PLCB4: variants seen among roughly 807,000 people sequenced by gnomAD.
The protein encoded by PLCB4 is phospholipase C beta 4, also known as 1-phosphatidylinositol 4,5-bisphosphate phosphodiesterase beta-4.
A neutral mutation model predicts 178.8 loss-of-function variants in PLCB4; 77 were observed. The observed-to-expected ratio is 0.43, with a 90% confidence interval of 0.36 to 0.52. The LOEUF is 0.52. Ranked by LOEUF, PLCB4 falls within the 20% of genes least tolerant of loss-of-function variation. The pLI is 0.00. For missense variants in PLCB4, 1,024 were observed against 1,453.4 expected (o/e 0.70, Z 4.80); for synonymous variants, 496 against 490.8 (o/e 1.01, Z -0.14).
At chr20:9,459,534 G>A (rs1035326024) in intron 34 of PLCB4, 101 bp from the exon 35 acceptor site, 6 of 720,232 alleles carry the variant, frequency 8.3e-6, no homozygotes, top group Non-Finnish European at 1.3e-5. Context: ...CACCAATTAA[G>A]TTGGTGGGAG....
intron 2 of PLCB4, among the ~76,000 whole-genome samples, chr20:9,115,143 A>G (rs563743314): frequency 1.2e-4 from 18 of 152,220 alleles, no homozygotes; most frequent in African/African-American, 4.3e-4. Flanking sequence ...TTAATAAGTA[A>G]ACCTTATTCT....
At chr20:9,325,382 G>A (rs186176612) in intron 4 of PLCB4, among the ~76,000 whole-genome samples, 85 of 152,202 alleles carry the variant, frequency 5.6e-4, no homozygotes, top group African/African-American at 1.8e-3. Flanking sequence ...AAGTTACTTT[G>A]AGTGACCACC....
intron 15 of PLCB4, among the ~76,000 whole-genome samples, chr20:9,389,667 A>G (rs950451777): frequency 1.3e-5 from 2 of 152,226 alleles, no homozygotes; most frequent in Non-Finnish European, 2.9e-5. Flanking sequence ...GAAGTAAAAG[A>G]TAGCTTAAAA....
intron 3 of PLCB4, among the ~76,000 whole-genome samples, chr20:9,241,892 G>A (rs2147418667): frequency 6.6e-6 from 1 of 152,282 alleles, no homozygotes; most frequent in South Asian, 2.1e-4. Flanking sequence ...TCATGCATCT[G>A]TGGTCAGCTA....
intron 3 of PLCB4, among the ~76,000 whole-genome samples, chr20:9,241,762 G>A (rs1235135668): frequency 6.6e-6 from 1 of 152,196 alleles, no homozygotes; most frequent in Non-Finnish European, 1.5e-5. Context: ...TGACCAGAAT[G>A]TCAGCATAAT....
intron 2 of PLCB4, among the ~76,000 whole-genome samples, chr20:9,104,989 A>G (rs1477514731): frequency 6.6e-6 from 1 of 152,070 alleles, no homozygotes; most frequent in East Asian, 1.9e-4. Context: ...TAAATATAAT[A>G]TTAATCTTTA....
At chr20:9,332,355 T>C (rs139022256) in intron 4 of PLCB4, among the ~76,000 whole-genome samples, 29 of 152,266 alleles carry the variant, frequency 1.9e-4, no homozygotes, top group African/African-American at 6.7e-4. Context: ...ATAGACATGA[T>C]GTGTCTTTAC....
chr20:9,084,682 A>G (rs1214298717), intron 1 of PLCB4, among the ~76,000 whole-genome samples: 3 of 152,240 alleles, frequency 2.0e-5, no homozygotes, highest in Non-Finnish European at 4.4e-5. Context: ...GAGAAATAAA[A>G]TATTTGTAGA....
chr20:9,441,848 G>A (rs2042124539), intron 30 of PLCB4, among the ~76,000 whole-genome samples: 1 of 151,962 alleles, frequency 6.6e-6, no homozygotes, highest in Non-Finnish European at 1.5e-5. Flanking sequence ...GTGGGGAGGT[G>A]TGAAATTCCA....
rs1436927886 is a variant in PLCB4, at chr20:9,338,870, TTCTA to T, written c.226-20_226-17del. The T allele has an allele frequency of 1.3e-6, 2 of 1,591,602 alleles. No homozygotes were observed. Among genetic ancestry groups the T allele is most frequent in the African/African-American group, 1.4e-5 (1 of 73,686 alleles). ...GCTCTGTGATGTAACTTATTTTTTT[TTCTA>T]TCTGTGTACCTCTATACAGGATCCC... On this transcript the variant is annotated intron_variant, in intron 6 of 39. Transcript: ENST00000378473.
At position 9,421,393 on chromosome 20, in the gene PLCB4, C is replaced by T. The variant is rs1940333280; in HGVS notation, c.2251C>T (p.Arg751Ter). ...CACTGACACCATACGTAAGGAATTC[C>T]GAACTCGCATGGTTATGAATAATGG... Reference protein sequence around the residue: ...LPTDTIRKEFRTRMVMNNGLN... With the variant: ...LPTDTIRKEF Residue 751 changes from arginine (R) to a stop codon, truncating the protein, a stop_gained, in exon 27 of 40, where the codon CGA (arginine) becomes TGA (stop). Transcript: ENST00000378473. LOFTEE classifies it high-confidence loss of function. 6.2e-7 allele frequency: 1 copy of T among 1,613,766 alleles called. No individual in the cohort carries two copies. The highest frequency in any genetic ancestry group is 8.5e-7 in the Non-Finnish European group (1 of 1,179,748).
At position 9,478,939 on chromosome 20, in the gene PLCB4, A is replaced by G. The variant is rs1260130560; in HGVS notation, c.3551A>G (p.Asp1184Gly). Residue 1184 changes from aspartate (D) to glycine (G), a missense_variant, in exon 40 of 40, where the codon GAT (aspartate) becomes GGT (glycine). Asp to Gly is a moderately conservative substitution (Grantham distance 94, BLOSUM62 -1). Coordinates refer to ENST00000378473, the MANE Select transcript of PLCB4 (RefSeq NM_001377142.1). The part of the protein sequence containing the change: ...SQTQGEGDAA[D>G]GEIGSRDGPQ... Reference sequence around the variant, plus strand: ...GTTATAGGCGAAGGAGATGCAGCAGATGGTGAAATTGGAAGCCGAGATGGA... The same window carrying G: ...GTTATAGGCGAAGGAGATGCAGCAGGTGGTGAAATTGGAAGCCGAGATGGA... 1 of 1,613,470 alleles carries G rather than the reference A, an allele frequency of 6.2e-7. No homozygotes were observed. The highest frequency in any genetic ancestry group is 8.5e-7 in the Non-Finnish European group (1 of 1,179,556).
chr20:9,138,365 A>T (rs1327124834), intron 2 of PLCB4, among the ~76,000 whole-genome samples: 1 of 152,134 alleles, frequency 6.6e-6, no homozygotes, highest in Admixed American at 6.6e-5. Flanking sequence ...GGGAGTGTAA[A>T]CAAAACAAAA....
chr20:9,142,829 C>A (rs1191262402), intron 2 of PLCB4, among the ~76,000 whole-genome samples: 1 of 152,136 alleles, frequency 6.6e-6, no homozygotes, highest in African/African-American at 2.4e-5. Flanking sequence ...TGCTCCTAGT[C>A]TAAATGGTTT....
intron 35 of PLCB4, among the ~76,000 whole-genome samples, chr20:9,461,586 C>A (rs149748247): frequency 6.6e-6 from 1 of 152,182 alleles, no homozygotes; most frequent in Admixed American, 6.5e-5. Context: ...TCTTAGCAAC[C>A]GGCAGACAAG....
intron 1 of PLCB4, among the ~76,000 whole-genome samples, chr20:9,078,849 T>C (rs1405528752): frequency 6.6e-6 from 1 of 152,224 alleles, no homozygotes; most frequent in African/African-American, 2.4e-5. Context: ...TCAGGGTTAG[T>C]GAGTCTTGAT....
At chr20:9,078,653 C>T (rs968572732) in intron 1 of PLCB4, among the ~76,000 whole-genome samples, 6 of 152,152 alleles carry the variant, frequency 3.9e-5, no homozygotes, top group Non-Finnish European at 7.3e-5. Context: ...TGAGCCACCA[C>T]GCCTGGCTGC....
chr20:9,171,955 C>T (rs937343037), intron 2 of PLCB4, among the ~76,000 whole-genome samples: 1 of 152,126 alleles, frequency 6.6e-6, no homozygotes, highest in Non-Finnish European at 1.5e-5. Context: ...TCATTTTCCC[C>T]TTCCCCTGTC....
chr20:9,135,187 A>G (rs1326131636), intron 2 of PLCB4, among the ~76,000 whole-genome samples: 2 of 151,990 alleles, frequency 1.3e-5, no homozygotes, highest in African/African-American at 4.8e-5. Flanking sequence ...CAAGGTTTTT[A>G]TTTGTCAAGT....
Sources: gnomAD v4.1 joint callset for allele counts (sites outside exome capture counted in the v4.1 genomes callset) on GRCh38, gnomAD v4.1.1 for gene constraint, MANE v1.5 for transcripts, NCBI Gene and HGNC (gene_info 2026-07-23, HGNC 2026-07-21) for gene names.